The following STRBP variants were observed in gnomAD, a reference collection of about 807,000 sequenced individuals.
STRBP encodes spermatid perinuclear RNA-binding protein.
Under a neutral mutation model 80.1 loss-of-function variants are expected in STRBP, and 13 were observed. The ratio of observed to expected loss-of-function variants is 0.16; its 90% CI spans 0.11 to 0.26. STRBP has a LOEUF of 0.26. STRBP is among the 10% of genes least tolerant of loss of function. The probability of loss-of-function intolerance (pLI) is 1.00; values close to 1 mark genes in which losing one functional copy is unlikely to be tolerated. For missense variants in STRBP, 485 were observed against 815.2 expected, an observed-to-expected ratio of 0.59 and a Z score of 4.93; for synonymous variants, 284 against 291.2, an observed-to-expected ratio of 0.98 and a Z score of 0.25.
intron 13 of STRBP, among the ~76,000 whole-genome samples, chr9:123,145,687 A>C (rs1349344698): frequency 6.6e-6 from 1 of 152,106 alleles, no homozygotes; most frequent in South Asian, 2.1e-4. Context: ...CTTAGCTCTA[A>C]ACTTGTGACA....
At chr9:123,135,446 G>A (rs547396291) in intron 16 of STRBP, among the ~76,000 whole-genome samples, 3 of 152,258 alleles carry the variant, frequency 2.0e-5, no homozygotes, top group African/African-American at 7.2e-5. Context: ...ATGCATAAAT[G>A]AATGGATGGA....
chr9:123,182,765 T>C (rs1280701778), intron 3 of STRBP, among the ~76,000 whole-genome samples: 1 of 152,034 alleles, frequency 6.6e-6, no homozygotes, highest in Non-Finnish European at 1.5e-5. Context: ...TCCCAGCACT[T>C]TGGAAGGCTA....
At chr9:123,259,504 C>T (rs910240727) in intron 1 of STRBP, among the ~76,000 whole-genome samples, 3 of 151,994 alleles carry the variant, frequency 2.0e-5, no homozygotes, top group Non-Finnish European at 4.4e-5. Context: ...GTCCGGAGTT[C>T]GAGACCAGCC....
chr9:123,255,013 C>T lies in STRBP; in HGVS notation c.-302+13423G>A, dbSNP rs148325299. On this transcript the variant is annotated intron_variant, in intron 1 of 18. Coordinates refer to ENST00000348403, the MANE Select transcript of STRBP (RefSeq NM_018387.5). ...ATGCATTAAATATATAAATATCATA[C>T]ATCATTAGCCTATAAATAAAAAGTG... 9.6e-3 allele frequency among the ~76,000 whole-genome samples: 1,454 copies of T among 152,244 alleles called. 24 individuals carry two copies. The highest frequency in any genetic ancestry group is 0.033 in the African/African-American group (1,366 of 41,536).
At position 123,136,658 on chromosome 9, in the gene STRBP, C is replaced by A. The variant is rs552297682; in HGVS notation, c.1498-143G>T. ...GGCTAGAATGAGTCACCTCTTTACACAAATGGCAAAATATCATTAAAGCTG... is the reference window on the plus strand; with the variant it reads ...GGCTAGAATGAGTCACCTCTTTACAAAAATGGCAAAATATCATTAAAGCTG... On this transcript the variant is annotated intron_variant, in intron 14 of 18. Transcript: ENST00000348403. This position sits in a 1 kb window ranked among gnomAD's most constrained non-coding sequence, Gnocchi z 4.2. The A allele has an allele frequency of 8.6e-5, 79 of 923,426 alleles. No homozygotes were observed. The African/African-American group carries it at 1.1e-3, about 13-fold the overall frequency. The allele number at this position is 923,426 out of a possible 1,614,324, so 57.2% of individuals were successfully genotyped here.
At chr9:123,113,029 A>G (rs1290269655) in intron 3 of STRBP, 1 of 167,162 alleles carries the variant, frequency 6.0e-6, no homozygotes, top group Non-Finnish European at 1.5e-5. Flanking sequence ...CTGTCATGTC[A>G]AAATAAAGGT....
At chr9:123,207,780 C>T (rs2039572940) in intron 2 of STRBP, among the ~76,000 whole-genome samples, 1 of 147,528 alleles carries the variant, frequency 6.8e-6, no homozygotes, top group South Asian at 2.1e-4. Flanking sequence ...ACACATAATA[C>T]ATATCTGAGC....
chr9:123,255,773 G>T (rs1025723571), intron 1 of STRBP, among the ~76,000 whole-genome samples: 8 of 152,118 alleles, frequency 5.3e-5, no homozygotes, highest in African/African-American at 1.9e-4. Flanking sequence ...TTTCTAAAGA[G>T]AATACTAATT....
intron 13 of STRBP, among the ~76,000 whole-genome samples, chr9:123,144,503 G>A (rs1314389724): frequency 6.6e-6 from 1 of 152,136 alleles, no homozygotes; most frequent in African/African-American, 2.4e-5. Context: ...TTGCCACCCA[G>A]TGAATTTGCA....
chr9:123,116,089 A>C (rs2035640331), exon 3 of STRBP: 2 of 456,038 alleles, frequency 4.4e-6, no homozygotes, highest in South Asian at 3.1e-5. Context: ...ATATTCCTTT[A>C]ACGTAGCCTC....
At chr9:123,118,206 A>C (rs543735183), downstream of STRBP, among the ~76,000 whole-genome samples, 1 of 152,324 alleles carries the variant, frequency 6.6e-6, no homozygotes, top group South Asian at 2.1e-4. Flanking sequence ...AGGTAGCTGG[A>C]GAATTCAGAA....
At chr9:123,231,761 T>G (rs2040404096) in intron 2 of STRBP, among the ~76,000 whole-genome samples, 2 of 152,156 alleles carry the variant, frequency 1.3e-5, no homozygotes, top group African/African-American at 4.8e-5. Context: ...TGAAATGATC[T>G]CTTAAGGAAA....
At position 123,124,855 on chromosome 9, in the gene STRBP, G is replaced by A; in HGVS notation, c.*742C>T. 3.0e-6 allele frequency: 3 copies of A among 985,420 alleles called. No individual in the cohort carries two copies. The highest frequency in any genetic ancestry group is 2.4e-6 in the Non-Finnish European group (2 of 829,932). The allele number at this position is 985,420 out of a possible 1,614,324, so 61.0% of individuals were successfully genotyped here. A position where few individuals can be genotyped will look rare whatever the true frequency, so the allele number is the denominator to read the frequency against. On this transcript the variant is annotated 3_prime_UTR_variant, in exon 19 of 19. Coordinates refer to ENST00000348403, the MANE Select transcript of STRBP (RefSeq NM_018387.5). ...GAATGGAACCTTTATCATGGGGATG[G>A]CCCTTGTACAACAGGAGTACAAAGG...
At chr9:123,245,660 C>T (rs191995528) in intron 1 of STRBP, among the ~76,000 whole-genome samples, 1 of 152,310 alleles carries the variant, frequency 6.6e-6, no homozygotes, top group East Asian at 1.9e-4. Flanking sequence ...GGATTACAGG[C>T]GTGAGCCACC....
At chr9:123,196,835 C>CA (rs2039109125) in intron 2 of STRBP, among the ~76,000 whole-genome samples, 2 of 152,154 alleles carry the variant, frequency 1.3e-5, no homozygotes, top group Non-Finnish European at 2.9e-5. Flanking sequence ...GAAGGTTCCT[C>CA]AAAAAACTAA....
intron 1 of STRBP, among the ~76,000 whole-genome samples, chr9:123,250,951 A>AAAAAAAC (rs2040901248): frequency 1.3e-5 from 2 of 152,190 alleles, no homozygotes; most frequent in Middle Eastern, 3.4e-3. Flanking sequence ...CCATTTCTAC[A>AAAAAAAC]AAAAAACAAA....
intron 6 of STRBP, among the ~76,000 whole-genome samples, chr9:123,165,183 A>C (rs2037699419): frequency 6.6e-6 from 1 of 151,082 alleles, no homozygotes; most frequent in African/African-American, 2.4e-5. Context: ...CAGGAGGCTG[A>C]GGCAGGAGAA....
chr9:123,180,300 G>A (rs192697880), intron 3 of STRBP, among the ~76,000 whole-genome samples: 20 of 152,030 alleles, frequency 1.3e-4, no homozygotes, highest in Non-Finnish European at 2.9e-5. Flanking sequence ...AGAATAATAC[G>A]AAATAAAAAG....
At chr9:123,231,200 A>G (rs2040389337) in intron 2 of STRBP, among the ~76,000 whole-genome samples, 2 of 152,136 alleles carry the variant, frequency 1.3e-5, no homozygotes, top group Admixed American at 1.3e-4. Flanking sequence ...AGGCCTGAGA[A>G]CTACAGACCT....
Sources: gnomAD v4.1 joint callset for allele counts (sites outside exome capture counted in the v4.1 genomes callset) on GRCh38, gnomAD v4.1.1 for gene constraint, Gnocchi (gnomAD v3.1) non-coding constraint, MANE v1.5 for transcripts, NCBI Gene and HGNC (gene_info 2026-07-23, HGNC 2026-07-21) for gene names.